SIPA1L1: variants seen among roughly 807,000 people sequenced by gnomAD.
The protein encoded by SIPA1L1 is signal-induced proliferation-associated 1-like protein 1.
In SIPA1L1, 26 loss-of-function variants were observed where a neutral mutation model predicts 162.7. The ratio of observed to expected loss-of-function variants is 0.16; its 90% CI spans 0.12 to 0.22. The LOEUF is 0.22. Among genes scored for constraint, SIPA1L1 ranks in the 10% least tolerant of loss-of-function variants. SIPA1L1 has a pLI of 1.00. For synonymous variants in SIPA1L1, 829 were observed against 837.4 expected, an observed-to-expected ratio of 0.99 and a Z score of 0.17; for missense variants, 1,874 against 2,241.0, an observed-to-expected ratio of 0.84 and a Z score of 3.31.
At chr14:71,570,817 C>T (rs6574015) in intron 4 of SIPA1L1, among the ~76,000 whole-genome samples, 127,411 of 152,230 alleles carry the variant, frequency 0.84, 53,919 homozygotes, top group African/African-American at 0.95. Context: ...GATGGAGTCT[C>T]GCTCTATCAC....
chr14:71,403,029 A>C (rs564222722), intron 2 of SIPA1L1, among the ~76,000 whole-genome samples: 49 of 152,284 alleles, frequency 3.2e-4, no homozygotes, highest in African/African-American at 1.1e-3. Context: ...CCTTCACATG[A>C]ATAATGAAAA....
At chr14:71,533,629 T>C (rs1193654675) in intron 4 of SIPA1L1, among the ~76,000 whole-genome samples, 1 of 152,264 alleles carries the variant, frequency 6.6e-6, no homozygotes, top group East Asian at 1.9e-4. Flanking sequence ...CCATTTTGTG[T>C]CTGCGGTTGT....
At chr14:71,651,385 C>T (rs538732541) in intron 8 of SIPA1L1, among the ~76,000 whole-genome samples, 1 of 152,246 alleles carries the variant, frequency 6.6e-6, no homozygotes, top group South Asian at 2.1e-4. Context: ...GTCATGAAAA[C>T]AGAAAAGCAT....
intron 3 of SIPA1L1, among the ~76,000 whole-genome samples, chr14:71,514,421 C>T (rs2051493534): frequency 2.0e-5 from 3 of 152,158 alleles, no homozygotes; most frequent in Admixed American, 2.0e-4. Context: ...GCCATTTTGC[C>T]TCTTAATGCA....
rs2044514738 is a variant in SIPA1L1, at chr14:71,671,569, A to G, written c.2706A>G (p.Arg902=). 6.2e-7 allele frequency: 1 copy of G among 1,614,060 alleles called. No individual in the cohort carries two copies. Among genetic ancestry groups the G allele is most frequent in the Non-Finnish European group, 8.5e-7 (1 of 1,180,042 alleles). The change falls in exon 11 of 24, where the codon AGA becomes AGG. Residue 902 remains arginine, a synonymous_variant. Coordinates refer to ENST00000381232, the MANE Select transcript of SIPA1L1 (RefSeq NM_001386936.1). ...GCGTGGTCTTCAATTGTTCCTGTAGAGATGTGATAGGGTGGACTTCAACTG... is the reference window on the plus strand; with the variant it reads ...GCGTGGTCTTCAATTGTTCCTGTAGGGATGTGATAGGGTGGACTTCAACTG... ...TKSVVFNCSC[R]DVIGWTSTDT... is the part of the protein sequence containing the mutation.
intron 16 of SIPA1L1, 65 bp from the exon 17 acceptor site, chr14:71,709,157 T>G: frequency 7.4e-7 from 1 of 1,348,794 alleles, no homozygotes; most frequent in Non-Finnish European, 1.0e-6. Context: ...CACAGTGTCA[T>G]TTCTGTTATT....
intron 2 of SIPA1L1, among the ~76,000 whole-genome samples, chr14:71,477,981 A>G (rs1029315645): frequency 2.0e-5 from 3 of 152,188 alleles, no homozygotes; most frequent in Non-Finnish European, 4.4e-5. Flanking sequence ...CCAGCAATGT[A>G]TAAAAGTTTC....
chr14:71,564,151 G>A (rs935364873), intron 4 of SIPA1L1, among the ~76,000 whole-genome samples: 1 of 151,868 alleles, frequency 6.6e-6, no homozygotes, highest in African/African-American at 2.4e-5. Flanking sequence ...GTCTTGCTAT[G>A]TTTTCTAGAT....
At chr14:71,455,912 C>G (rs1049677662) in intron 2 of SIPA1L1, among the ~76,000 whole-genome samples, 8 of 152,038 alleles carry the variant, frequency 5.3e-5, no homozygotes, top group African/African-American at 1.9e-4. Flanking sequence ...GTTTAATATA[C>G]TTTTGGTGGT....
At chr14:71,526,034 T>C (rs2145119535) in intron 3 of SIPA1L1, among the ~76,000 whole-genome samples, 1 of 152,332 alleles carries the variant, frequency 6.6e-6, no homozygotes, top group African/African-American at 2.4e-5. Flanking sequence ...AATGCAGACA[T>C]CACACTGTAG....
chr14:71,509,444 G>A (rs1168448820), intron 2 of SIPA1L1, among the ~76,000 whole-genome samples: 1 of 152,076 alleles, frequency 6.6e-6, no homozygotes, highest in African/African-American at 2.4e-5. Context: ...GGTAGCATGA[G>A]CAATATCAAG....
intron 2 of SIPA1L1, among the ~76,000 whole-genome samples, chr14:71,380,206 A>G (rs1216074505): frequency 6.6e-6 from 1 of 152,258 alleles, no homozygotes; most frequent in African/African-American, 2.4e-5. Context: ...AATAATTAAC[A>G]TACTTTTGGA....
At chr14:71,408,985 T>A (rs2042219077) in intron 2 of SIPA1L1, among the ~76,000 whole-genome samples, 1 of 152,190 alleles carries the variant, frequency 6.6e-6, no homozygotes, top group African/African-American at 2.4e-5. Context: ...ATCTTGTATG[T>A]CGAGGAACTC....
intron 5 of SIPA1L1, among the ~76,000 whole-genome samples, chr14:71,601,837 T>C (rs2036795786): frequency 6.6e-6 from 1 of 152,164 alleles, no homozygotes; most frequent in South Asian, 2.1e-4. Flanking sequence ...CAGGAACTCA[T>C]CCATTTCCTG....
chr14:71,375,561 C>T (rs1056164879), intron 2 of SIPA1L1, among the ~76,000 whole-genome samples: 8 of 152,084 alleles, frequency 5.3e-5, no homozygotes, highest in African/African-American at 1.4e-4. Context: ...TCTTTATTTC[C>T]GATCTTTATG....
At chr14:71,634,899 G>T (rs573712840) in intron 7 of SIPA1L1, among the ~76,000 whole-genome samples, 1 of 151,586 alleles carries the variant, frequency 6.6e-6, no homozygotes, top group East Asian at 2.0e-4. Context: ...TCGTGCCACT[G>T]CACTCCAGCC....
chr14:71,533,323 G>T (rs969257198), intron 4 of SIPA1L1, among the ~76,000 whole-genome samples: 3 of 152,144 alleles, frequency 2.0e-5, no homozygotes, highest in Non-Finnish European at 2.9e-5. Flanking sequence ...ATAAAATGAA[G>T]ACTTTTCCTA....
intron 3 of SIPA1L1, among the ~76,000 whole-genome samples, chr14:71,520,899 T>C (rs530483734): frequency 2.4e-4 from 36 of 152,230 alleles, no homozygotes; most frequent in African/African-American, 8.4e-4. Flanking sequence ...ACTACAGGAA[T>C]GCACCACCAT....
chr14:71,466,982 G>T (rs1402489695), intron 2 of SIPA1L1, among the ~76,000 whole-genome samples: 1 of 152,174 alleles, frequency 6.6e-6, no homozygotes, highest in Non-Finnish European at 1.5e-5. Flanking sequence ...ATATTTAAAT[G>T]ATTTTAGGGA....
Sources: gnomAD v4.1 joint callset for allele counts (sites outside exome capture counted in the v4.1 genomes callset) on GRCh38, gnomAD v4.1.1 for gene constraint, MANE v1.5 for transcripts, NCBI Gene and HGNC (gene_info 2026-07-23, HGNC 2026-07-21) for gene names.